Variants in TMEM30A observed in about 807,000 individuals in gnomAD.
TMEM30A encodes cell division cycle 50 P4-ATPase accessory subunit A.
In TMEM30A, 24 loss-of-function variants were observed where a neutral mutation model predicts 38.2. The observed-to-expected ratio is 0.63, with a 90% CI of 0.46 to 0.88. TMEM30A has a LOEUF of 0.88. TMEM30A is among the 40% of genes least tolerant of loss of function. The probability of loss-of-function intolerance (pLI) is 0.00; values close to 1 mark genes in which losing one functional copy is unlikely to be tolerated. For missense variants in TMEM30A, 370 were observed against 458.6 expected (o/e 0.81, Z 1.77); for synonymous variants, 145 against 161.6 (o/e 0.90, Z 0.78).
At chr6:75,260,379 C>G (rs369195563) in intron 4 of TMEM30A, among the ~76,000 whole-genome samples, 3 of 151,758 alleles carry the variant, frequency 2.0e-5, no homozygotes, top group Non-Finnish European at 2.9e-5. Context: ...GCACTCCAGC[C>G]TGGGCGACAG....
chr6:75,268,620 T>C (rs1562392470), intron 1 of TMEM30A, among the ~76,000 whole-genome samples: 1 of 152,200 alleles, frequency 6.6e-6, no homozygotes, highest in Non-Finnish European at 1.5e-5. Flanking sequence ...TTCGAGACCT[T>C]GCTATATGTG....
Position 75,272,745 on chromosome 6 carries a change from A to G in TMEM30A, c.238-4997T>C, listed in dbSNP as rs1347886249. ...TATCTAACACACATCATCTCATTTT[A>G]AAAATACAATTACCCTGGCAATTGC... On this transcript the variant is annotated intron_variant, in intron 1 of 6. Transcript: ENST00000230461. 3.9e-5 allele frequency: 6 copies of G among 152,264 alleles called. No individual in the cohort carries two copies. The East Asian group carries it at 1.2e-3, about 29-fold the overall frequency. The allele number at this position is 152,264 out of a possible 1,614,324, so 9.4% of individuals were successfully genotyped here.
In TMEM30A at chr6:75,259,433, T is replaced by C. The variant is rs371897890; in HGVS notation, c.599A>G (p.Lys200Arg). Residue 200 changes from lysine (K) to arginine (R), a missense_variant, in exon 5 of 7, where the codon AAA becomes AGA. Physicochemically the swap from Lys to Arg is conservative, Grantham distance 26 (BLOSUM62 2). Coordinates refer to ENST00000230461, the MANE Select transcript of TMEM30A (RefSeq NM_018247.4). ...TGTCCACCAAGCAATACCTTTCTTTTTCAAAGCGATAGGTATAGGATAAGA... is the reference window on the plus strand; with the variant it reads ...TGTCCACCAAGCAATACCTTTCTTTCTCAAAGCGATAGGTATAGGATAAGA... Reference protein sequence around the residue: ...NDSYPIPIALKKKGIAWWTDK... With the variant: ...NDSYPIPIALRKKGIAWWTDK... 17 of 1,613,384 alleles carry C rather than the reference T, an allele frequency of 1.1e-5. No homozygotes were observed. The African/African-American group carries it at 1.9e-4, about 18-fold the overall frequency.
In TMEM30A at chr6:75,265,337, C is replaced by T. The variant is rs1772050445; in HGVS notation, c.347G>A (p.Gly116Asp). The T allele has an allele frequency of 4.4e-6, 7 of 1,575,744 alleles. No homozygotes were observed. Among genetic ancestry groups the T allele is most frequent in the Admixed American group, 1.9e-5 (1 of 53,640 alleles). ...CAGTCCATAATACATAAACACGTTG[C>T]CCTAGAGAAACAGAGAGGGAAAAAA... is the stretch of plus-strand genomic sequence containing the variant. ...INFTLEKSFE[G>D]NVFMYYGLSN... Residue 116 changes from glycine to aspartate, a missense_variant and splice_region_variant, in exon 3 of 7, where the codon GGC becomes GAC. Gly to Asp is a moderately conservative substitution (Grantham distance 94). Transcript: ENST00000230461.
chr6:75,267,155 TACTTATAAAA>T (rs770480751), intron 2 of TMEM30A, among the ~76,000 whole-genome samples: 2 of 152,194 alleles, frequency 1.3e-5, no homozygotes, highest in Non-Finnish European at 2.9e-5. Context: ...GATTTCTAAC[TACTTATAAAA>T]ACATAAATGA....
chr6:75,257,400 T>TGG (rs1771884306), intron 6 of TMEM30A, among the ~76,000 whole-genome samples: 1 of 152,182 alleles, frequency 6.6e-6, no homozygotes, highest in Non-Finnish European at 1.5e-5. Context: ...GATAGTTCTT[T>TGG]CAAACCTGGG....
At chr6:75,278,728 C>A (rs1772305047) in intron 1 of TMEM30A, among the ~76,000 whole-genome samples, 1 of 152,194 alleles carries the variant, frequency 6.6e-6, no homozygotes, top group Non-Finnish European at 1.5e-5. Context: ...GTGTAGCAAT[C>A]ATGTCACTTC....
chr6:75,257,914 A>C (rs951800945), intron 6 of TMEM30A, among the ~76,000 whole-genome samples: 2 of 152,200 alleles, frequency 1.3e-5, no homozygotes, highest in Non-Finnish European at 2.9e-5. Flanking sequence ...AGTGTATGTA[A>C]AATATAGACT....
chr6:75,268,477 T>C (rs1000335368), intron 1 of TMEM30A, among the ~76,000 whole-genome samples: 8 of 152,202 alleles, frequency 5.3e-5, no homozygotes, highest in African/African-American at 1.9e-4. Context: ...GCCTACATCA[T>C]GAAGTCCCAA....
chr6:75,275,989 C>T (rs560972957), intron 1 of TMEM30A, among the ~76,000 whole-genome samples: 7 of 152,192 alleles, frequency 4.6e-5, no homozygotes, highest in East Asian at 1.9e-4. Flanking sequence ...AGGTTGAGTC[C>T]CAGGAGGCAG....
At position 75,284,585 on chromosome 6, in the gene TMEM30A, A is replaced by G. The variant is rs1268001851; in HGVS notation, c.54T>C (p.Ala18=). ...TCCGAGTCTTCGCGGTGCCCCCCGGAGCACACGGGGGCCCACCGTCCACTT... is the reference window on the plus strand; with the variant it reads ...TCCGAGTCTTCGCGGTGCCCCCCGGGGCACACGGGGGCCCACCGTCCACTT... ...KDEVDGGPPC[A]PGGTAKTRRP... is the part of the protein sequence containing the mutation. The change falls in exon 1 of 7, where the codon GCT becomes GCC. Residue 18 remains alanine (A), a synonymous_variant. Transcript: ENST00000230461. The G allele has an allele frequency of 5.6e-6, 9 of 1,613,612 alleles. No individual in the cohort carries two copies. Among genetic ancestry groups the G allele is most frequent in the Non-Finnish European group, 6.8e-6 (8 of 1,179,930 alleles).
chr6:75,275,974 A>T (rs1293806136), intron 1 of TMEM30A, among the ~76,000 whole-genome samples: 1 of 152,182 alleles, frequency 6.6e-6, no homozygotes, highest in Non-Finnish European at 1.5e-5. Context: ...GGGGAAAGGG[A>T]CTGAAGGTTG....
chr6:75,277,265 A>T, intron 1 of TMEM30A, among the ~76,000 whole-genome samples: 1 of 148,972 alleles, frequency 6.7e-6, no homozygotes, highest in Non-Finnish European at 1.5e-5. Context: ...CACCTTTGTG[A>T]CTAAGCAGAA....
rs753980983 is a variant in TMEM30A, at chr6:75,256,222, A to AT, written c.965dup (p.Asn322LysfsTer26). The AT allele has an allele frequency of 2.5e-6, 4 of 1,613,592 alleles. No individual in the cohort carries two copies. Among genetic ancestry groups the AT allele is most frequent in the Admixed American group, 1.7e-5 (1 of 59,994 alleles). The stretch of plus-strand genomic sequence containing the variant: ...CGATGTAAGCAATCCCCAAAAATGG[A>AT]TTTTTTCCTCCCATCCATGAAATAG... On this transcript the variant is annotated frameshift_variant, in exon 7 of 7. Transcript: ENST00000230461. LOFTEE classifies it high-confidence loss of function.
At chr6:75,266,954 C>G (rs1420706333) in intron 2 of TMEM30A, among the ~76,000 whole-genome samples, 1 of 152,146 alleles carries the variant, frequency 6.6e-6, no homozygotes, top group East Asian at 1.9e-4. Flanking sequence ...TCATCACTAC[C>G]TTTAGAAAAT....
chr6:75,274,336 T>C (rs1302602149), intron 1 of TMEM30A, among the ~76,000 whole-genome samples: 1 of 152,102 alleles, frequency 6.6e-6, no homozygotes, highest in Non-Finnish European at 1.5e-5. Flanking sequence ...TTACACTCTA[T>C]GTAAAGGGGT....
At chr6:75,284,182 C>T in intron 1 of TMEM30A, 1 of 604,596 alleles carries the variant, frequency 1.7e-6, no homozygotes, top group Non-Finnish European at 2.9e-6. Context: ...TGGATTTGCT[C>T]TTTCGTAAAT....
In TMEM30A at chr6:75,253,890, T is replaced by G. The variant is rs1246161641; in HGVS notation, c.*2212A>C. ...CATAATTCAAAATAGTTCCTGAAAATTAATGCATCCTTCAATGTCTTCTAC... is the reference window on the plus strand; with the variant it reads ...CATAATTCAAAATAGTTCCTGAAAAGTAATGCATCCTTCAATGTCTTCTAC... On this transcript the variant is annotated 3_prime_UTR_variant, in exon 7 of 7. Transcript: ENST00000230461. 6.6e-6 allele frequency: 1 copy of G among 152,174 alleles called. No individual in the cohort carries two copies. Among genetic ancestry groups the G allele is most frequent in the Non-Finnish European group, 1.5e-5 (1 of 67,994 alleles). The allele number at this position is 152,174 out of a possible 1,614,324, so 9.4% of individuals were successfully genotyped here.
In TMEM30A at chr6:75,261,922, G is replaced by A. The variant is rs1006667349; in HGVS notation, c.454-1011C>T. 7.2e-5 allele frequency among the ~76,000 whole-genome samples: 11 copies of A among 152,144 alleles called. 1 individual carries two copies. Among genetic ancestry groups the A allele is most frequent in the African/African-American group, 2.7e-4 (11 of 41,424 alleles). ...TGTATTGATAAAGCTATTAACAATA[G>A]GGCAAATATATCTGCTAGCCACTAA... On this transcript the variant is annotated intron_variant, in intron 3 of 6. Coordinates refer to ENST00000230461, the MANE Select transcript of TMEM30A (RefSeq NM_018247.4).
Sources: gnomAD v4.1 joint callset for allele counts (sites outside exome capture counted in the v4.1 genomes callset) on GRCh38, gnomAD v4.1.1 for gene constraint, MANE v1.5 for transcripts, NCBI Gene and HGNC (gene_info 2026-07-23, HGNC 2026-07-21) for gene names.